Variants in SH2D4A observed in about 807,000 individuals in gnomAD.
SH2D4A encodes the protein SH2 domain containing 4A.
Under a neutral mutation model 64.7 loss-of-function variants are expected in SH2D4A, and 70 were observed. The ratio of observed to expected loss-of-function variants is 1.08; its 90% CI spans 0.89 to 1.32. The LOEUF (loss-of-function observed/expected upper bound fraction) is 1.32. Ranked by LOEUF, SH2D4A falls within the 40% of genes most tolerant of loss-of-function variation. The pLI is 0.00. For missense variants in SH2D4A, 706 were observed against 540.1 expected, an observed-to-expected ratio of 1.31 and a Z score of -3.04; for synonymous variants, 268 against 200.7, an observed-to-expected ratio of 1.34 and a Z score of -2.83.
chr8:19,393,947 T>A (rs1443051579), intron 9 of SH2D4A, among the ~76,000 whole-genome samples: 1 of 152,150 alleles, frequency 6.6e-6, no homozygotes, highest in African/African-American at 2.4e-5. Context: ...ATTTTATTAT[T>A]ACATTGTTAT....
chr8:19,314,477 G>A (rs959413504), intron 1 of SH2D4A, among the ~76,000 whole-genome samples: 1 of 152,080 alleles, frequency 6.6e-6, no homozygotes, highest in Admixed American at 6.5e-5. Context: ...GACCCAGACC[G>A]GGTGCCCAGT....
chr8:19,359,759 A>G (rs1203342321), intron 5 of SH2D4A, among the ~76,000 whole-genome samples: 2 of 146,532 alleles, frequency 1.4e-5, no homozygotes, highest in African/African-American at 5.5e-5. Flanking sequence ...AGCACAATTT[A>G]TGAATGATGA....
intron 4 of SH2D4A, among the ~76,000 whole-genome samples, chr8:19,353,427 G>A (rs1417049354): frequency 6.8e-6 from 1 of 147,722 alleles, no homozygotes; most frequent in Non-Finnish European, 1.5e-5. Flanking sequence ...GGAGTACAGT[G>A]GCAGCATCTT....
At chr8:19,376,705 T>C (rs965688336) in intron 8 of SH2D4A, among the ~76,000 whole-genome samples, 4 of 152,098 alleles carry the variant, frequency 2.6e-5, no homozygotes, top group African/African-American at 7.2e-5. Context: ...TGACCAAATA[T>C]CTGGGACCAT....
At chr8:19,353,754 G>C (rs189602814) in intron 4 of SH2D4A, among the ~76,000 whole-genome samples, 82 of 148,878 alleles carry the variant, frequency 5.5e-4, no homozygotes, top group Admixed American at 4.9e-3. Flanking sequence ...GCATATCATG[G>C]ATTTGTAGAA....
At chr8:19,357,645 CTT>C (rs1334464130) in intron 5 of SH2D4A, among the ~76,000 whole-genome samples, 1 of 152,170 alleles carries the variant, frequency 6.6e-6, no homozygotes, top group Non-Finnish European at 1.5e-5. Context: ...CTTCTGTGCT[CTT>C]TGTTTCTGAA....
intron 8 of SH2D4A, among the ~76,000 whole-genome samples, chr8:19,389,036 G>A (rs2053438214): frequency 6.6e-6 from 1 of 152,208 alleles, no homozygotes; most frequent in African/African-American, 2.4e-5. Context: ...CTCAGATGGA[G>A]GTGGGAGCAG....
Position 19,386,899 on chromosome 8 carries a change from G to A in SH2D4A, c.1049-6419G>A, listed in dbSNP as rs557534399. Among the ~76,000 whole-genome samples the A allele has an allele frequency of 2.2e-3, 330 of 152,274 alleles. 2 individuals are homozygous for A. The highest frequency in any genetic ancestry group is 7.2e-3 in the African/African-American group (298 of 41,534). On this transcript the variant is annotated intron_variant, in intron 8 of 9. Coordinates refer to ENST00000265807, the MANE Select transcript of SH2D4A (RefSeq NM_022071.4). ...GGCTCAGGTGATTCTCCCACTTCAG[G>A]CTCCTGAACAGCTGGGAATGCAGGT...
rs751370224 is a variant in SH2D4A at position 19,313,870 on chromosome 8, G to A, written c.-205+47G>A. The A allele has an allele frequency of 1.1e-5, 16 of 1,427,342 alleles. No individual in the cohort carries two copies. In the South Asian group the frequency reaches 2.1e-4, roughly 19 times the overall value. 88.4% of individuals were successfully genotyped at this position (1,427,342 alleles called of 1,614,324 possible). Reference sequence around the variant, plus strand: ...AGGCTTTGGGGAGAGTGTGCGTGGGGTGGGAGTAGGGGGAAGGGAATTTCC... The same window carrying A: ...AGGCTTTGGGGAGAGTGTGCGTGGGATGGGAGTAGGGGGAAGGGAATTTCC... On this transcript the variant is annotated intron_variant, in intron 1 of 9. Coordinates refer to ENST00000265807, the MANE Select transcript of SH2D4A (RefSeq NM_022071.4).
chr8:19,314,284 C>G (rs371322219), intron 1 of SH2D4A, among the ~76,000 whole-genome samples: 32 of 152,284 alleles, frequency 2.1e-4, no homozygotes, highest in East Asian at 1.7e-3. Context: ...GGAGCACGTC[C>G]TCGACTTGCG....
At chr8:19,370,666 T>A (rs904068263) in intron 7 of SH2D4A, among the ~76,000 whole-genome samples, 1 of 152,266 alleles carries the variant, frequency 6.6e-6, no homozygotes, top group Admixed American at 6.5e-5. Context: ...ATGTATAATT[T>A]GGTATTGTTT....
chr8:19,388,946 T>G (rs578169167), intron 8 of SH2D4A, among the ~76,000 whole-genome samples: 141 of 152,162 alleles, frequency 9.3e-4, no homozygotes, highest in African/African-American at 3.2e-3. Flanking sequence ...TCTTGGAGGA[T>G]TCTTGGATGG....
intron 7 of SH2D4A, among the ~76,000 whole-genome samples, chr8:19,365,226 G>A (rs889477044): frequency 3.9e-5 from 6 of 152,198 alleles, no homozygotes; most frequent in African/African-American, 7.2e-5. Flanking sequence ...ACACAAAGGC[G>A]GATGTTTTTC....
At chr8:19,328,399 T>G (rs2117195872) in intron 2 of SH2D4A, among the ~76,000 whole-genome samples, 1 of 152,296 alleles carries the variant, frequency 6.6e-6, no homozygotes, top group South Asian at 2.1e-4. Flanking sequence ...AATTTTCTTG[T>G]CACTACTTCT....
chr8:19,394,231 C>G (rs75311544), intron 9 of SH2D4A, among the ~76,000 whole-genome samples: 1 of 152,266 alleles, frequency 6.6e-6, no homozygotes, highest in East Asian at 1.9e-4. Context: ...GATGTAAATA[C>G]AGATGAAGCT....
intron 8 of SH2D4A, 60 bp from the exon 9 acceptor site, chr8:19,393,258 C>T: frequency 6.7e-7 from 1 of 1,492,692 alleles, no homozygotes; most frequent in South Asian, 1.1e-5. Flanking sequence ...CTGGATTTAA[C>T]AGAGGGGATT....
At chr8:19,372,877 C>G (rs1260580453) in intron 7 of SH2D4A, among the ~76,000 whole-genome samples, 3 of 149,938 alleles carry the variant, frequency 2.0e-5, no homozygotes, top group Non-Finnish European at 3.0e-5. Context: ...TAAATGTCAT[C>G]AAAGTGTGGA....
chr8:19,344,697 G>A (rs1224644632), intron 4 of SH2D4A, among the ~76,000 whole-genome samples: 2 of 152,184 alleles, frequency 1.3e-5, no homozygotes, highest in African/African-American at 2.4e-5. Flanking sequence ...CCATACCCCT[G>A]TAGGCTGTCG....
intron 7 of SH2D4A, among the ~76,000 whole-genome samples, chr8:19,364,880 G>A (rs1424314255): frequency 6.6e-6 from 1 of 152,218 alleles, no homozygotes; most frequent in Non-Finnish European, 1.5e-5. Flanking sequence ...CTGCTAGGCT[G>A]TGGAAGAATT....
Sources: gnomAD v4.1 joint callset for allele counts (sites outside exome capture counted in the v4.1 genomes callset) on GRCh38, gnomAD v4.1.1 for gene constraint, MANE v1.5 for transcripts, NCBI Gene and HGNC (gene_info 2026-07-23, HGNC 2026-07-21) for gene names.